CSMD1: variants seen among roughly 807,000 people sequenced by gnomAD.
CSMD1 encodes CUB and sushi domain-containing protein 1.
Under a neutral mutation model 417.5 loss-of-function variants are expected in CSMD1, and 213 were observed. The ratio of observed to expected loss-of-function variants is 0.51; its 90% CI spans 0.46 to 0.57. CSMD1 has a LOEUF of 0.57. Ranked by LOEUF, CSMD1 falls within the 20% of genes least tolerant of loss-of-function variation. CSMD1 has a pLI of 0.00. For synonymous variants in CSMD1, 2,862 were observed against 1,736.8 expected (o/e 1.65, Z -16.11); for missense variants, 6,923 against 4,529.7 (o/e 1.53, Z -15.17).
chr8:4,220,435 G>C (rs947666299), intron 3 of CSMD1, among the ~76,000 whole-genome samples: 2 of 152,210 alleles, frequency 1.3e-5, no homozygotes, highest in African/African-American at 4.8e-5. Context: ...CCATGGGATG[G>C]CATTAGAGGT....
intron 1 of CSMD1, among the ~76,000 whole-genome samples, chr8:4,776,126 G>C (rs779477233): frequency 6.6e-6 from 1 of 152,120 alleles, no homozygotes; most frequent in East Asian, 1.9e-4. Context: ...GACAATCACA[G>C]ATGATCCAGA....
At position 3,091,518 on chromosome 8, in the gene CSMD1, G is replaced by A. The variant is rs748975366; in HGVS notation, c.7283C>T (p.Ala2428Val). 17 of 1,600,450 alleles carry A rather than the reference G, an allele frequency of 1.1e-5. No individual in the cohort carries two copies. The highest frequency in any genetic ancestry group is 1.4e-5 in the Non-Finnish European group (16 of 1,176,346). Reference protein sequence around the residue: ...TSKKGFKIRYAAPYCSLTHPL... With the variant: ...TSKKGFKIRYVAPYCSLTHPL... ...AAATCTAAACCTCATTTACTTACCT[G>A]CATAGCGAATCTTGAATCCTTTCTT... is the stretch of plus-strand genomic sequence containing the variant. Residue 2428 changes from alanine to valine, a missense_variant and splice_region_variant, in exon 48 of 70, where the codon GCA becomes GTA. Coordinates refer to ENST00000635120, the MANE Select transcript of CSMD1 (RefSeq NM_033225.6).
At chr8:4,433,489 A>T (rs1037818728) in intron 2 of CSMD1, among the ~76,000 whole-genome samples, 1 of 152,206 alleles carries the variant, frequency 6.6e-6, no homozygotes, top group African/African-American at 2.4e-5. Context: ...AAGCGCGGCC[A>T]AGTGTTTCCC....
chr8:4,060,062 G>T (rs982915447), intron 3 of CSMD1, among the ~76,000 whole-genome samples: 5 of 152,106 alleles, frequency 3.3e-5, no homozygotes, highest in African/African-American at 1.2e-4. Flanking sequence ...CTGGCAAACC[G>T]AATCCAGCAG....
At chr8:4,750,247 T>A (rs925699180) in intron 1 of CSMD1, among the ~76,000 whole-genome samples, 1 of 150,088 alleles carries the variant, frequency 6.7e-6, no homozygotes, top group African/African-American at 2.5e-5. Context: ...GACATTGTGA[T>A]CCGCCCGCCT....
chr8:4,258,730 C>G (rs886513042), intron 3 of CSMD1, among the ~76,000 whole-genome samples: 8 of 151,968 alleles, frequency 5.3e-5, no homozygotes, highest in African/African-American at 1.9e-4. Flanking sequence ...TGGAACACAG[C>G]AATGTATGAG....
In CSMD1 at chr8:4,223,712, T is replaced by G. The variant is rs181425804; in HGVS notation, c.416-191613A>C. Reference sequence around the variant, plus strand: ...TTCCAGAGCCTGAATATTTTTTTGTTATCTGAAAAATGAGGAATTTGGGTC... The same window carrying G: ...TTCCAGAGCCTGAATATTTTTTTGTGATCTGAAAAATGAGGAATTTGGGTC... On this transcript the variant is annotated intron_variant, in intron 3 of 69. Transcript: ENST00000635120. Among the ~76,000 whole-genome samples, 251 of 152,360 alleles carry G rather than the reference T, an allele frequency of 1.6e-3. 1 individual carries two copies. Among genetic ancestry groups the G allele is most frequent in the African/African-American group, 5.7e-3 (235 of 41,584 alleles).
At chr8:3,913,910 A>G (rs1391940348) in intron 5 of CSMD1, among the ~76,000 whole-genome samples, 1 of 151,894 alleles carries the variant, frequency 6.6e-6, no homozygotes, top group Non-Finnish European at 1.5e-5. Context: ...AGCTGTATAA[A>G]GTCCAGTTTT....
At chr8:3,187,060 T>G (rs1230348000) in intron 36 of CSMD1, among the ~76,000 whole-genome samples, 1 of 152,150 alleles carries the variant, frequency 6.6e-6, no homozygotes, top group African/African-American at 2.4e-5. Flanking sequence ...CAAGATAAAA[T>G]TAAGCATTCA....
intron 10 of CSMD1, among the ~76,000 whole-genome samples, chr8:3,494,294 T>C (rs1290928266): frequency 9.2e-5 from 14 of 152,200 alleles, no homozygotes; most frequent in Admixed American, 8.5e-4. Context: ...AAGACATCTG[T>C]ACAACAATGG....
chr8:3,583,467 G>A (rs1206563765), intron 9 of CSMD1, among the ~76,000 whole-genome samples: 1 of 151,964 alleles, frequency 6.6e-6, no homozygotes, highest in Non-Finnish European at 1.5e-5. Flanking sequence ...CGAAAGAGGT[G>A]GCAGAAGCTT....
At chr8:4,494,422 A>G (rs1210234486) in intron 2 of CSMD1, among the ~76,000 whole-genome samples, 1 of 152,236 alleles carries the variant, frequency 6.6e-6, no homozygotes, top group Non-Finnish European at 1.5e-5. Context: ...CAGTTTCCCT[A>G]CAATTAGTTT....
At chr8:3,280,664 G>A (rs776551399) in intron 26 of CSMD1, among the ~76,000 whole-genome samples, 8 of 152,220 alleles carry the variant, frequency 5.3e-5, no homozygotes, top group East Asian at 1.9e-4. Context: ...CATTTTTTAC[G>A]TATAAAAATG....
At chr8:4,179,963 C>A (rs546899454) in intron 3 of CSMD1, among the ~76,000 whole-genome samples, 102 of 152,144 alleles carry the variant, frequency 6.7e-4, no homozygotes, top group African/African-American at 2.3e-3. Flanking sequence ...AATAGGAACA[C>A]TTTTACACTG....
chr8:4,003,063 G>A (rs537572002), intron 4 of CSMD1, among the ~76,000 whole-genome samples: 3 of 152,012 alleles, frequency 2.0e-5, no homozygotes, highest in East Asian at 1.9e-4. Context: ...ACACAGCAGG[G>A]GGATATTATT....
intron 50 of CSMD1, among the ~76,000 whole-genome samples, chr8:3,048,653 T>A (rs563627881): frequency 6.6e-6 from 1 of 151,970 alleles, no homozygotes; most frequent in East Asian, 1.9e-4. Context: ...TAGGAGAAAA[T>A]TGTGGTGCCC....
chr8:3,938,582 A>G (rs118131409), intron 5 of CSMD1, among the ~76,000 whole-genome samples: 1,958 of 152,194 alleles, frequency 0.013, 117 homozygotes, highest in Admixed American at 0.099. Flanking sequence ...TTTTTCAGGC[A>G]TTTCTTGGAA....
intron 5 of CSMD1, among the ~76,000 whole-genome samples, chr8:3,754,690 G>C (rs1358324627): frequency 6.6e-6 from 1 of 152,178 alleles, no homozygotes; most frequent in African/African-American, 2.4e-5. Flanking sequence ...TGTGACCTCA[G>C]GTGATCTGCC....
At chr8:3,548,527 G>C (rs1336997225) in intron 10 of CSMD1, among the ~76,000 whole-genome samples, 1 of 151,680 alleles carries the variant, frequency 6.6e-6, no homozygotes, top group South Asian at 2.1e-4. Flanking sequence ...GCTCCTGCTT[G>C]GAATGAGAAC....
Sources: gnomAD v4.1 joint callset for allele counts (sites outside exome capture counted in the v4.1 genomes callset) on GRCh38, gnomAD v4.1.1 for gene constraint, MANE v1.5 for transcripts, NCBI Gene and HGNC (gene_info 2026-07-23, HGNC 2026-07-21) for gene names.